RNF11: variants seen among roughly 807,000 people sequenced by gnomAD.
RNF11 encodes ring finger protein 11.
RNF11 carries 4 observed loss-of-function variants against 15.8 expected under a neutral mutation model. The observed-to-expected ratio is 0.25, with a 90% CI of 0.12 to 0.58. RNF11 has a LOEUF of 0.58. Among genes scored for constraint, RNF11 ranks in the 20% least tolerant of loss-of-function variants. The pLI, the probability that RNF11 is intolerant of heterozygous loss-of-function variation, is 0.91. For missense variants in RNF11, 139 were observed against 194.4 expected, an observed-to-expected ratio of 0.71 and a Z score of 1.70; for synonymous variants, 68 against 72.3, an observed-to-expected ratio of 0.94 and a Z score of 0.30.
At chr1:51,254,395 G>A (rs1646894814) in intron 1 of RNF11, among the ~76,000 whole-genome samples, 1 of 151,978 alleles carries the variant, frequency 6.6e-6, no homozygotes, top group African/African-American at 2.4e-5. Context: ...TCAAGCAGTT[G>A]TGCCTCAGCC....
intron 2 of RNF11, among the ~76,000 whole-genome samples, 155 bp downstream of exon 2, chr1:51,270,280 A>G (rs1646972215): frequency 6.6e-6 from 1 of 152,298 alleles, no homozygotes; most frequent in East Asian, 1.9e-4. Context: ...TCATAGCTCT[A>G]TTACTGGCTA....
At chr1:51,249,559 G>A (rs1646867676) in intron 1 of RNF11, among the ~76,000 whole-genome samples, 1 of 152,138 alleles carries the variant, frequency 6.6e-6, no homozygotes, top group Admixed American at 6.6e-5. Flanking sequence ...ACCCATATTT[G>A]TTTTGTGTGG....
At chr1:51,242,325 CT>C (rs57821900) in intron 1 of RNF11, among the ~76,000 whole-genome samples, 4,357 of 131,090 alleles carry the variant, frequency 0.033, 37 homozygotes, top group African/African-American at 0.065. Flanking sequence ...TTCAAGATAC[CT>C]TTTTTTTTTT....
chr1:51,245,879 A>G (rs1646849638), intron 1 of RNF11, among the ~76,000 whole-genome samples: 1 of 152,178 alleles, frequency 6.6e-6, no homozygotes, highest in Admixed American at 6.5e-5. Flanking sequence ...AAAGAAATAC[A>G]ACACATCTCT....
chr1:51,244,665 C>T (rs111368692), intron 1 of RNF11, among the ~76,000 whole-genome samples: 2,349 of 152,212 alleles, frequency 0.015, 60 homozygotes, highest in African/African-American at 0.054. Flanking sequence ...TGAGCCACCG[C>T]GCCCAGCCTG....
intron 1 of RNF11, among the ~76,000 whole-genome samples, chr1:51,267,031 T>C (rs1646957743): frequency 1.3e-5 from 2 of 152,094 alleles, no homozygotes; most frequent in Non-Finnish European, 2.9e-5. Flanking sequence ...GAGGATCGCT[T>C]GAGGCCAGGA....
chr1:51,236,707 C>T lies in RNF11; in HGVS notation c.-50C>T, dbSNP rs752487937. On this transcript the variant is annotated 5_prime_UTR_variant, in exon 1 of 3. Transcript: ENST00000242719. ...GGCGGACCGCGGAGTGTGCGAACGA[C>T]CCCACCGCTGCTTTCTCCTCCCCCA... The T allele has an allele frequency of 6.2e-7, 1 of 1,604,908 alleles. No individual in the cohort carries two copies. The highest frequency in any genetic ancestry group is 8.5e-7 in the Non-Finnish European group (1 of 1,176,064).
intron 1 of RNF11, among the ~76,000 whole-genome samples, chr1:51,263,512 CT>C (rs1332724717): frequency 3.3e-5 from 5 of 152,136 alleles, no homozygotes; most frequent in African/African-American, 1.2e-4. Flanking sequence ...TGAAACAATT[CT>C]TTTGGCACCA....
At chr1:51,267,126 C>G (rs1646958412) in intron 1 of RNF11, among the ~76,000 whole-genome samples, 1 of 152,176 alleles carries the variant, frequency 6.6e-6, no homozygotes, top group South Asian at 2.1e-4. Context: ...GTAATCCCAG[C>G]TACTGGGGAG....
Position 51,271,372 on chromosome 1 carries a change from G to C in RNF11, c.*50G>C, listed in dbSNP as rs775914972. 2.0e-6 allele frequency: 3 copies of C among 1,480,728 alleles called. No homozygotes were observed. The highest frequency in any genetic ancestry group is 1.8e-6 in the Non-Finnish European group (2 of 1,086,326). 91.7% of individuals were successfully genotyped at this position (1,480,728 alleles called of 1,614,324 possible). A position where few individuals can be genotyped will look rare whatever the true frequency, so the allele number is the denominator to read the frequency against. ...AGTGAACCACCATTTTGGTGGTTTT[G>C]ATCTTTTGTCACTGAGCCCAAAGAG... On this transcript the variant is annotated 3_prime_UTR_variant, in exon 3 of 3. Transcript: ENST00000242719.
At chr1:51,250,511 C>T in intron 1 of RNF11, 2 of 536,462 alleles carry the variant, frequency 3.7e-6, no homozygotes, top group Non-Finnish European at 6.6e-6. Flanking sequence ...AATTTGTTTA[C>T]ACAAGTATGT....
Position 51,236,839 on chromosome 1 carries a change from A to AGGGGAC in RNF11, c.86_91dup (p.Gly29_Thr30dup). ...CAGTCCGACCGGGCTAGCTTTGGCG[A>AGGGGAC]GGGGACGGAGCCGGATCAGGAGCCG... On this transcript the variant is annotated inframe_insertion, in exon 1 of 3. Transcript: ENST00000242719. 1 of 1,611,740 alleles carries AGGGGAC rather than the reference A, an allele frequency of 6.2e-7. No individual in the cohort carries two copies. The highest frequency in any genetic ancestry group is 8.5e-7 in the Non-Finnish European group (1 of 1,179,076).
chr1:51,237,305 CTT>C (rs1646808471), intron 1 of RNF11, among the ~76,000 whole-genome samples: 1 of 151,928 alleles, frequency 6.6e-6, no homozygotes, highest in South Asian at 2.1e-4. Flanking sequence ...TGGTCGTCCT[CTT>C]ACCCACCTCC....
intron 1 of RNF11, among the ~76,000 whole-genome samples, chr1:51,259,199 T>G (rs2148071625): frequency 6.6e-6 from 1 of 152,298 alleles, no homozygotes; most frequent in East Asian, 1.9e-4. Context: ...ATCTAGTGGA[T>G]GGAGAGAACT....
intron 2 of RNF11, among the ~76,000 whole-genome samples, chr1:51,270,357 A>G (rs1646972567): frequency 6.6e-6 from 1 of 152,178 alleles, no homozygotes; most frequent in Admixed American, 6.5e-5. Flanking sequence ...TTATGCCTGT[A>G]ATCCCAGCAC....
In RNF11 at chr1:51,254,432, A is replaced by G. The variant is rs976481351; in HGVS notation, c.124-15524A>G. Reference sequence around the variant, plus strand: ...CCCGAGTAGCTGGGACTACAGGTGTATGCCACCATGCTTGGCTAATTTTTT... The same window carrying G: ...CCCGAGTAGCTGGGACTACAGGTGTGTGCCACCATGCTTGGCTAATTTTTT... On this transcript the variant is annotated intron_variant, in intron 1 of 2. Transcript: ENST00000242719. Among the ~76,000 whole-genome samples the G allele has an allele frequency of 4.6e-5, 7 of 151,948 alleles. No homozygotes were observed. In the East Asian group the frequency reaches 7.7e-4, roughly 17 times the overall value.
In RNF11 at chr1:51,262,856, G is replaced by C. The variant is rs541757092; in HGVS notation, c.124-7100G>C. Among the ~76,000 whole-genome samples, 6 of 150,914 alleles carry C rather than the reference G, an allele frequency of 4.0e-5. No individual in the cohort carries two copies. In the South Asian group the frequency reaches 1.3e-3, roughly 31 times the overall value. On this transcript the variant is annotated intron_variant, in intron 1 of 2. Transcript: ENST00000242719. ...GAAAATACTTGTAAATCATTGGTCT[G>C]CTAAGGGACTTGTGTCCAGGAGATA...
chr1:51,261,781 G>A (rs1557681667), intron 1 of RNF11, among the ~76,000 whole-genome samples: 2 of 151,658 alleles, frequency 1.3e-5, no homozygotes, highest in East Asian at 3.9e-4. Context: ...TCGTCCTCCC[G>A]GGTTCACACC....
rs1398759349 is a variant in RNF11 at position 51,236,665 on chromosome 1, C to G, written c.-92C>G. On this transcript the variant is annotated 5_prime_UTR_variant, in exon 1 of 3. Coordinates refer to ENST00000242719, the MANE Select transcript of RNF11 (RefSeq NM_014372.5). ...CCTGATCCCCGGCCTGTCGCCCGAC[C>G]CCACCTCGCCAACCGAGGCGGACCG... 2 of 1,552,526 alleles carry G rather than the reference C, an allele frequency of 1.3e-6. No homozygotes were observed. The highest frequency in any genetic ancestry group is 1.4e-5 in the African/African-American group (1 of 73,364).
Sources: allele counts gnomAD v4.1 joint callset (sites outside exome capture counted in the v4.1 genomes callset), GRCh38; gene constraint gnomAD v4.1.1; transcripts MANE v1.5; gene names NCBI Gene and HGNC (gene_info 2026-07-23, HGNC 2026-07-21).